The following HS6ST2 variants were observed in gnomAD, a reference collection of about 807,000 sequenced individuals.
HS6ST2 encodes heparan-sulfate 6-O-sulfotransferase 2.
A neutral mutation model predicts 33.0 loss-of-function variants in HS6ST2; 17 were observed. That is an observed-to-expected ratio of 0.52 (90% CI 0.35 to 0.77). The LOEUF (loss-of-function observed/expected upper bound fraction) is 0.77. Ranked by LOEUF, HS6ST2 falls within the 30% of genes least tolerant of loss-of-function variation. HS6ST2 has a pLI of 0.01. For synonymous variants in HS6ST2, 248 were observed against 237.1 expected (o/e 1.05, Z -0.42); for missense variants, 519 against 551.7 (o/e 0.94, Z 0.59).
intron 2 of HS6ST2, among the ~76,000 whole-genome samples, chrX:132,802,277 A>C (rs780829299): frequency 2.7e-5 from 3 of 111,872 alleles, no homozygotes; most frequent in Admixed American, 9.5e-5. Context: ...CACTTATGTA[A>C]TCTGCTTATT....
At chrX:132,785,088 A>C (rs2065049766) in intron 2 of HS6ST2, among the ~76,000 whole-genome samples, 1 of 112,555 alleles carries the variant, frequency 8.9e-6, no homozygotes, top group African/African-American at 3.2e-5. Flanking sequence ...ACACATTGAC[A>C]GCTAACAATG....
intron 2 of HS6ST2, among the ~76,000 whole-genome samples, chrX:132,937,790 C>A (rs756436645): frequency 9.0e-6 from 1 of 111,020 alleles, no homozygotes; most frequent in South Asian, 3.8e-4. Flanking sequence ...GATTATGCAC[C>A]ATGACTAAGT....
At chrX:132,926,199 T>C (rs2066708962) in intron 2 of HS6ST2, among the ~76,000 whole-genome samples, 2 of 112,747 alleles carry the variant, frequency 1.8e-5, no homozygotes, top group Non-Finnish European at 1.9e-5. Flanking sequence ...GAGCTGTATA[T>C]AGAAAAGAAA....
At chrX:132,957,352 T>C (rs2067091877) in intron 1 of HS6ST2, 26 bp from the exon 2 acceptor site, 1 of 1,143,065 alleles carries the variant, frequency 8.7e-7, no homozygotes, top group East Asian at 3.0e-5. Flanking sequence ...GCTCGTTACG[T>C]CAATCCCGCA....
At chrX:132,823,526 A>G (rs748701856) in intron 2 of HS6ST2, among the ~76,000 whole-genome samples, 143 of 109,199 alleles carry the variant, frequency 1.3e-3, no homozygotes, top group Non-Finnish European at 2.2e-3. Context: ...GAACAAATGA[A>G]TTTTGGTTTT....
At chrX:132,913,022 G>A (rs763944877) in intron 2 of HS6ST2, among the ~76,000 whole-genome samples, 7 of 110,380 alleles carry the variant, frequency 6.3e-5, no homozygotes, top group African/African-American at 1.3e-4. Flanking sequence ...ACCAATCAGC[G>A]TGCATCCCCT....
intron 2 of HS6ST2, among the ~76,000 whole-genome samples, chrX:132,874,784 C>G (rs1231103176): frequency 9.0e-6 from 1 of 111,194 alleles, no homozygotes; most frequent in Non-Finnish European, 1.9e-5. Context: ...GAATAGAAAA[C>G]CCAAATCCCA....
chrX:132,849,980 G>A (rs1190244459), intron 2 of HS6ST2, among the ~76,000 whole-genome samples: 6 of 111,882 alleles, frequency 5.4e-5, no homozygotes, highest in African/African-American at 3.3e-5. Flanking sequence ...AGCATGAAAC[G>A]AAAACATAAG....
chrX:132,734,848 G>C (rs767765377), intron 2 of HS6ST2, among the ~76,000 whole-genome samples: 94 of 112,378 alleles, frequency 8.4e-4, no homozygotes, highest in African/African-American at 2.7e-3. Flanking sequence ...CCTGGATACC[G>C]TCTTTAGCTG....
intron 4 of HS6ST2, among the ~76,000 whole-genome samples, chrX:132,645,442 A>G (rs928024913): frequency 2.7e-5 from 3 of 112,833 alleles, no homozygotes; most frequent in Non-Finnish European, 3.7e-5. Flanking sequence ...AGTTTTGATC[A>G]AACACTTTTT....
intron 3 of HS6ST2, among the ~76,000 whole-genome samples, chrX:132,692,527 AC>A (rs2064074446): frequency 1.8e-5 from 2 of 109,553 alleles, no homozygotes; most frequent in African/African-American, 6.7e-5. Flanking sequence ...GGCTTTCAAT[AC>A]CCTCCGAGAT....
chrX:132,852,659 T>A (rs138530747), intron 2 of HS6ST2, among the ~76,000 whole-genome samples: 2 of 112,269 alleles, frequency 1.8e-5, no homozygotes, highest in African/African-American at 3.2e-5. Context: ...AATCTGTAGG[T>A]GTCAAAGTCT....
At chrX:132,915,145 C>G (rs779535096) in intron 2 of HS6ST2, among the ~76,000 whole-genome samples, 2 of 112,072 alleles carry the variant, frequency 1.8e-5, no homozygotes, top group African/African-American at 6.5e-5. Flanking sequence ...GGCACTCTCA[C>G]TAGCAGTGCA....
intron 2 of HS6ST2, among the ~76,000 whole-genome samples, chrX:132,913,163 C>G (rs1192639664): frequency 9.0e-6 from 1 of 111,110 alleles, no homozygotes; most frequent in Non-Finnish European, 1.9e-5. Context: ...TGTCAACGTA[C>G]CCTCATTCTT....
At chrX:132,681,710 A>G (rs1178804433) in intron 3 of HS6ST2, among the ~76,000 whole-genome samples, 8 of 112,294 alleles carry the variant, frequency 7.1e-5, no homozygotes, top group Non-Finnish European at 5.6e-5. Context: ...TGCTTCCTGA[A>G]AGTCATGATA....
intron 3 of HS6ST2, among the ~76,000 whole-genome samples, chrX:132,682,833 C>T (rs1039064808): frequency 1.8e-5 from 2 of 110,677 alleles, no homozygotes; most frequent in African/African-American, 3.3e-5. Context: ...AGGCCAGGCA[C>T]GGTGGCTCAC....
At chrX:132,830,923 G>A (rs2065583291) in intron 2 of HS6ST2, among the ~76,000 whole-genome samples, 1 of 111,717 alleles carries the variant, frequency 9.0e-6, no homozygotes, top group Admixed American at 9.6e-5. Flanking sequence ...TAATCCACAT[G>A]TACCTTTCTG....
At chrX:132,734,731 C>T (rs6654268) in intron 2 of HS6ST2, among the ~76,000 whole-genome samples, 1,403 of 112,621 alleles carry the variant, frequency 0.012, 25 homozygotes, top group African/African-American at 0.043. Context: ...GCAAAGCCAA[C>T]AGGCTTCCCG....
intron 2 of HS6ST2, among the ~76,000 whole-genome samples, chrX:132,775,121 T>C (rs1166858100): frequency 1.8e-5 from 2 of 111,337 alleles, no homozygotes; most frequent in East Asian, 5.6e-4. Context: ...ACTTCCACTC[T>C]TTCCCTAAAT....
Sources: gnomAD v4.1 joint callset for allele counts (sites outside exome capture counted in the v4.1 genomes callset) on GRCh38, gnomAD v4.1.1 for gene constraint, MANE v1.5 for transcripts, NCBI Gene and HGNC (gene_info 2026-07-23, HGNC 2026-07-21) for gene names.